The following TOP2B variants were observed in gnomAD, a reference collection of about 807,000 sequenced individuals.
The protein encoded by TOP2B is DNA topoisomerase 2-beta.
TOP2B carries 51 observed loss-of-function variants against 193.5 expected under a neutral mutation model. The ratio of observed to expected loss-of-function variants is 0.26; its 90% CI spans 0.21 to 0.33. The LOEUF is 0.33. Among genes scored for constraint, TOP2B ranks in the 10% least tolerant of loss-of-function variants. The probability of loss-of-function intolerance (pLI) is 1.00; values close to 1 mark genes in which losing one functional copy is unlikely to be tolerated. For missense variants in TOP2B, 1,378 were observed against 1,909.3 expected, an observed-to-expected ratio of 0.72 and a Z score of 5.19; for synonymous variants, 634 against 635.7, an observed-to-expected ratio of 1.00 and a Z score of 0.04.
At chr3:25,600,244 A>G (rs1377282592) in intron 34 of TOP2B, among the ~76,000 whole-genome samples, 1 of 151,850 alleles carries the variant, frequency 6.6e-6, no homozygotes, top group Non-Finnish European at 1.5e-5. Context: ...AATGATGCCA[A>G]TGAAATAAAA....
chr3:25,658,695 T>A (rs1466946855), intron 1 of TOP2B, among the ~76,000 whole-genome samples: 1 of 152,216 alleles, frequency 6.6e-6, no homozygotes, highest in Admixed American at 6.5e-5. Context: ...ACTTTTGCAA[T>A]ATTGCTAATG....
intron 25 of TOP2B, 62 bp from the exon 26 acceptor site, chr3:25,615,648 T>C (rs1324607282): frequency 7.9e-7 from 1 of 1,265,992 alleles, no homozygotes; most frequent in Non-Finnish European, 1.0e-6. Context: ...TGTTGAATTT[T>C]ATTGAATAAT....
At chr3:25,611,619 T>G (rs931450797) in intron 28 of TOP2B, among the ~76,000 whole-genome samples, 3 of 152,142 alleles carry the variant, frequency 2.0e-5, no homozygotes, top group Middle Eastern at 3.2e-3. Flanking sequence ...GCTCTGAACA[T>G]TTTTTCTGAT....
intron 11 of TOP2B, 145 bp downstream of exon 11, chr3:25,630,656 G>A: frequency 2.3e-6 from 2 of 868,988 alleles, no homozygotes; most frequent in Middle Eastern, 3.7e-4. Context: ...TTAGTAATAT[G>A]TTGTGTATGT....
chr3:25,642,817 G>C (rs1703302213), intron 3 of TOP2B, among the ~76,000 whole-genome samples: 1 of 152,176 alleles, frequency 6.6e-6, no homozygotes, highest in East Asian at 1.9e-4. Context: ...TTCATTTTCA[G>C]TTACAAACAA....
intron 18 of TOP2B, among the ~76,000 whole-genome samples, chr3:25,626,173 A>C (rs1702796519): frequency 6.6e-6 from 1 of 152,222 alleles, no homozygotes. Flanking sequence ...AGTTAAGTTA[A>C]AGCATTAGGC....
chr3:25,600,732 C>T (rs768774791), intron 34 of TOP2B, among the ~76,000 whole-genome samples: 4 of 152,178 alleles, frequency 2.6e-5, no homozygotes, highest in Admixed American at 2.6e-4. Context: ...AAAAAAAGTT[C>T]TAGCCTAAGA....
At chr3:25,616,265 A>C (rs1575567384) in intron 25 of TOP2B, among the ~76,000 whole-genome samples, 1 of 151,994 alleles carries the variant, frequency 6.6e-6, no homozygotes, top group Admixed American at 6.6e-5. Flanking sequence ...GAATTTAATA[A>C]AAGTTATTTT....
intron 2 of TOP2B, among the ~76,000 whole-genome samples, chr3:25,644,114 T>A (rs548596980): frequency 2.0e-4 from 31 of 152,028 alleles, no homozygotes; most frequent in Non-Finnish European, 3.7e-4. Flanking sequence ...TTTTTTTTTT[T>A]TATAATACAG....
At chr3:25,632,855 T>C in intron 8 of TOP2B, 61 bp from the exon 9 acceptor site, 2 of 1,328,028 alleles carry the variant, frequency 1.5e-6, no homozygotes, top group Non-Finnish European at 2.2e-6. Flanking sequence ...CAAAATACTT[T>C]ATCTGTATTA....
At position 25,626,818 on chromosome 3, in the gene TOP2B, T is replaced by C; in HGVS notation, c.2063A>G (p.Asn688Ser). Reference sequence around the variant, plus strand: ...ACGCTGTCTCCGGTCTTCCATAAAATTTGTTAACCATTCTTTTCTGTCATC... The same window carrying C: ...ACGCTGTCTCCGGTCTTCCATAAAACTTGTTAACCATTCTTTTCTGTCATC... ...KIDDRKEWLT[N>S]FMEDRRQRRL... Residue 688 changes from asparagine (N) to serine (S), a missense_variant, in exon 17 of 36, where the codon AAT (asparagine) becomes AGT (serine). Around this residue, in one of 9 missense-constraint regions of TOP2B, gnomAD observed 379 missense variants for 615.1 expected, o/e 0.62. Coordinates refer to ENST00000264331, the MANE Select transcript of TOP2B (RefSeq NM_001330700.2). 1 of 1,607,420 alleles carries C rather than the reference T, an allele frequency of 6.2e-7. No individual in the cohort carries two copies. Among genetic ancestry groups the C allele is most frequent in the South Asian group, 1.1e-5 (1 of 90,154 alleles).
Position 25,637,258 on chromosome 3 carries a change from G to A in TOP2B, c.596C>T (p.Thr199Ile), listed in dbSNP as rs1377914245. Reference sequence around the variant, plus strand: ...GTATTCTTTGCAAGCTGTTTCTACTGTAAACTTTGTACTGAAAATATTACA... The same window carrying A: ...GTATTCTTTGCAAGCTGTTTCTACTATAAACTTTGTACTGAAAATATTACA... ...KLCNIFSTKFTVETACKEYKH... is the reference protein window; with the variant it reads ...KLCNIFSTKFIVETACKEYKH... The change falls in exon 6 of 36, where the codon ACA (threonine) becomes ATA (isoleucine). Residue 199 changes from threonine (T) to isoleucine (I), a missense_variant. By Grantham distance (89) the Thr-to-Ile change is moderately conservative (BLOSUM62 -1). Coordinates refer to ENST00000264331, the MANE Select transcript of TOP2B (RefSeq NM_001330700.2). 7 of 1,560,402 alleles carry A rather than the reference G, an allele frequency of 4.5e-6. No homozygotes were observed. The highest frequency in any genetic ancestry group is 6.1e-6 in the Non-Finnish European group (7 of 1,150,828).
At chr3:25,635,593 A>G (rs1200626024) in intron 7 of TOP2B, among the ~76,000 whole-genome samples, 4 of 152,102 alleles carry the variant, frequency 2.6e-5, no homozygotes, top group Non-Finnish European at 4.4e-5. Flanking sequence ...GCTCTTCAGG[A>G]AACTTGATGC....
At chr3:25,619,738 G>GA (rs375797612) in intron 23 of TOP2B, 124 bp downstream of exon 23, 48,636 of 518,624 alleles carry the variant, frequency 0.094, 83 homozygotes, top group South Asian at 0.13. Context: ...TGCAGGATGG[G>GA]AAAAAAAAAA....
intron 25 of TOP2B, 120 bp downstream of exon 25, chr3:25,618,298 T>C: frequency 1.5e-6 from 1 of 686,082 alleles, no homozygotes; most frequent in Non-Finnish European, 2.5e-6. Flanking sequence ...CTTTAGTCTC[T>C]AAATAGACAA....
At chr3:25,605,770 TA>T (rs34289849) in intron 32 of TOP2B, among the ~76,000 whole-genome samples, 2 of 152,052 alleles carry the variant, frequency 1.3e-5, no homozygotes, top group Admixed American at 6.6e-5. Flanking sequence ...TTTCTCTCAT[TA>T]AAACACTACA....
intron 23 of TOP2B, among the ~76,000 whole-genome samples, chr3:25,619,571 G>A (rs1702603124): frequency 6.6e-6 from 1 of 151,936 alleles, no homozygotes; most frequent in African/African-American, 2.4e-5. Flanking sequence ...AGTACACAAA[G>A]GCCCTGCAAT....
At chr3:25,631,677 A>C (rs1423071406) in intron 10 of TOP2B, among the ~76,000 whole-genome samples, 1 of 152,080 alleles carries the variant, frequency 6.6e-6, no homozygotes, top group Non-Finnish European at 1.5e-5. Flanking sequence ...AAAAAGTATA[A>C]AATTTAAAAT....
chr3:25,602,193 C>T (rs530063260), intron 33 of TOP2B, among the ~76,000 whole-genome samples: 111 of 151,992 alleles, frequency 7.3e-4, no homozygotes, highest in African/African-American at 2.7e-3. Context: ...GTCAGGAGTT[C>T]GAGACCAGCC....
Sources: allele counts gnomAD v4.1 joint callset (sites outside exome capture counted in the v4.1 genomes callset), GRCh38; gene constraint gnomAD v4.1.1; regional missense constraint gnomAD v4.1.1; transcripts MANE v1.5; gene names NCBI Gene and HGNC (gene_info 2026-07-23, HGNC 2026-07-21).